Variants in GRID1 observed in about 807,000 individuals in gnomAD.
GRID1 encodes the protein glutamate ionotropic receptor delta type subunit 1.
A neutral mutation model predicts 98.0 loss-of-function variants in GRID1; 28 were observed. That is an observed-to-expected ratio of 0.29 (90% CI 0.21 to 0.39). The LOEUF (loss-of-function observed/expected upper bound fraction) is 0.39. GRID1 is among the 10% of genes least tolerant of loss of function. GRID1 has a pLI of 1.00. For missense variants in GRID1, 1,111 were observed against 1,340.5 expected, an observed-to-expected ratio of 0.83 and a Z score of 2.67; for synonymous variants, 553 against 538.5, an observed-to-expected ratio of 1.03 and a Z score of -0.37.
intron 4 of GRID1, among the ~76,000 whole-genome samples, chr10:86,116,886 G>A (rs1289770433): frequency 6.6e-6 from 1 of 152,124 alleles, no homozygotes; most frequent in Admixed American, 6.5e-5. Flanking sequence ...GAGAGGCAGA[G>A]GTGGCCCAAA....
chr10:86,363,798 C>T (rs1206502695), intron 2 of GRID1, 143 bp downstream of exon 2: 3 of 677,146 alleles, frequency 4.4e-6, no homozygotes, highest in East Asian at 3.0e-5. Flanking sequence ...CCGGGGAAGG[C>T]GCGCCACCGC....
intron 4 of GRID1, among the ~76,000 whole-genome samples, chr10:86,022,560 C>T (rs1843063686): frequency 6.6e-6 from 1 of 151,514 alleles, no homozygotes; most frequent in African/African-American, 2.4e-5. Context: ...CTTTTTTTTC[C>T]CCGAGGTCTC....
chr10:85,763,754 T>C (rs1013322029), intron 8 of GRID1, among the ~76,000 whole-genome samples: 1 of 152,254 alleles, frequency 6.6e-6, no homozygotes, highest in Non-Finnish European at 1.5e-5. Context: ...ATTTATTAAC[T>C]GTAACATTAG....
At chr10:85,762,640 C>T (rs747097532) in intron 8 of GRID1, among the ~76,000 whole-genome samples, 14 of 152,296 alleles carry the variant, frequency 9.2e-5, no homozygotes, top group Middle Eastern at 3.4e-3. Flanking sequence ...AGGCTGCCAG[C>T]TCCCTATCCC....
At position 85,614,415 on chromosome 10, in the gene GRID1, C is replaced by T. The variant is rs1390994335; in HGVS notation, c.2361-768G>A. Among the ~76,000 whole-genome samples the T allele has an allele frequency of 3.3e-5, 5 of 152,200 alleles. No individual in the cohort carries two copies. The East Asian group carries it at 9.6e-4, about 29-fold the overall frequency. ...ATGTTCTAGTGCCAAGGAGTATCCT[C>T]CATGCTTGGCAAATAGTGTTGAATC... is the stretch of plus-strand genomic sequence containing the variant. On this transcript the variant is annotated intron_variant, in intron 14 of 15. Transcript: ENST00000327946.
intron 4 of GRID1, among the ~76,000 whole-genome samples, chr10:86,122,457 A>G (rs1393531857): frequency 6.6e-6 from 1 of 152,240 alleles, no homozygotes; most frequent in East Asian, 1.9e-4. Context: ...CATCCTGGGC[A>G]TGGCCCCTTA....
At chr10:86,030,365 C>T (rs1156326648) in intron 4 of GRID1, among the ~76,000 whole-genome samples, 1 of 152,212 alleles carries the variant, frequency 6.6e-6, no homozygotes, top group Non-Finnish European at 1.5e-5. Context: ...CAAAGGTTAA[C>T]AATAAAGTTT....
At chr10:86,173,533 C>T (rs1295656891) in intron 3 of GRID1, among the ~76,000 whole-genome samples, 1 of 151,988 alleles carries the variant, frequency 6.6e-6, no homozygotes, top group African/African-American at 2.4e-5. Flanking sequence ...TCTTAAATCA[C>T]TTTTAGTCTA....
At chr10:86,144,011 A>C (rs1297664154) in intron 3 of GRID1, among the ~76,000 whole-genome samples, 2 of 151,770 alleles carry the variant, frequency 1.3e-5, no homozygotes, top group African/African-American at 4.8e-5. Flanking sequence ...GCCAGCACCC[A>C]CCCGTTCCTT....
At chr10:86,159,734 G>T (rs933277212) in intron 3 of GRID1, among the ~76,000 whole-genome samples, 21 of 152,122 alleles carry the variant, frequency 1.4e-4, no homozygotes, top group Admixed American at 1.4e-3. Flanking sequence ...AGTCAGCCAG[G>T]GTTCAACACT....
intron 8 of GRID1, among the ~76,000 whole-genome samples, chr10:85,814,348 A>T (rs917546635): frequency 6.6e-6 from 1 of 151,986 alleles, no homozygotes; most frequent in Non-Finnish European, 1.5e-5. Flanking sequence ...GAATAAAGAT[A>T]TAAAATAAAT....
chr10:86,337,998 G>A (rs182226599), intron 2 of GRID1, among the ~76,000 whole-genome samples: 112 of 152,286 alleles, frequency 7.4e-4, no homozygotes, highest in African/African-American at 2.3e-3. Context: ...GTGAGCCACC[G>A]TACCTGGCCT....
At chr10:85,889,095 G>A (rs1208275829) in intron 5 of GRID1, among the ~76,000 whole-genome samples, 5 of 152,202 alleles carry the variant, frequency 3.3e-5, no homozygotes, top group Non-Finnish European at 7.4e-5. Flanking sequence ...TGGAATAACT[G>A]TTGGGACAAG....
At chr10:86,065,159 G>A (rs1210222532) in intron 4 of GRID1, among the ~76,000 whole-genome samples, 1 of 152,160 alleles carries the variant, frequency 6.6e-6, no homozygotes, top group Non-Finnish European at 1.5e-5. Context: ...CAACCCTCTG[G>A]CAATCCTCTG....
intron 4 of GRID1, among the ~76,000 whole-genome samples, chr10:86,088,174 C>T (rs1844092238): frequency 6.6e-6 from 1 of 152,176 alleles, no homozygotes; most frequent in African/African-American, 2.4e-5. Context: ...ATTAACACAG[C>T]CCGCTGTTTG....
At chr10:86,128,831 C>A (rs1453911480) in intron 4 of GRID1, among the ~76,000 whole-genome samples, 2 of 152,232 alleles carry the variant, frequency 1.3e-5, no homozygotes, top group Non-Finnish European at 2.9e-5. Context: ...CCCACTCACA[C>A]ATCAGTCACT....
intron 8 of GRID1, among the ~76,000 whole-genome samples, chr10:85,766,527 T>C (rs1285602306): frequency 6.6e-6 from 1 of 152,132 alleles, no homozygotes; most frequent in Non-Finnish European, 1.5e-5. Context: ...ACATTACCAA[T>C]GATAAGAAAC....
chr10:86,350,385 G>A (rs1445104812), intron 2 of GRID1, among the ~76,000 whole-genome samples: 1 of 152,200 alleles, frequency 6.6e-6, no homozygotes, highest in East Asian at 1.9e-4. Flanking sequence ...AGAGGCAGGG[G>A]GACACGGGGA....
chr10:85,658,211 C>T (rs1384250243), intron 12 of GRID1, among the ~76,000 whole-genome samples: 1 of 152,104 alleles, frequency 6.6e-6, no homozygotes, highest in African/African-American at 2.4e-5. Flanking sequence ...TAGTTTTCAC[C>T]ATCTTTCCTT....
Sources: allele counts gnomAD v4.1 joint callset (sites outside exome capture counted in the v4.1 genomes callset), GRCh38; gene constraint gnomAD v4.1.1; transcripts MANE v1.5; gene names NCBI Gene and HGNC (gene_info 2026-07-23, HGNC 2026-07-21).